ADAM23: variants seen among roughly 807,000 people sequenced by gnomAD.
ADAM23 encodes ADAM metallopeptidase domain 23.
A neutral mutation model predicts 120.1 loss-of-function variants in ADAM23; 33 were observed. That is an observed-to-expected ratio of 0.27 (90% CI 0.21 to 0.37). The LOEUF (loss-of-function observed/expected upper bound fraction) is 0.37. Among genes scored for constraint, ADAM23 ranks in the 10% least tolerant of loss-of-function variants. The pLI is 1.00. For synonymous variants in ADAM23, 367 were observed against 375.2 expected (o/e 0.98, Z 0.25); for missense variants, 862 against 1,058.2 (o/e 0.81, Z 2.57).
chr2:206,510,480 A>ATT lies in ADAM23; in HGVS notation c.510-20403_510-20402dup, dbSNP rs1353901595. ...TTTTTACATTGCCAAGATTTATTAA[A>ATT]TTTGTGTTTTGTTTAGTAACCACAA... On this transcript the variant is annotated intron_variant, in intron 3 of 25. Transcript: ENST00000264377. 3.2e-3 allele frequency among the ~76,000 whole-genome samples: 488 copies of ATT among 152,326 alleles called. 5 individuals are homozygous for ATT. The highest frequency in any genetic ancestry group is 0.011 in the African/African-American group (465 of 41,578).
intron 8 of ADAM23, 58 bp downstream of exon 8, chr2:206,548,412 A>T: frequency 6.7e-7 from 1 of 1,493,368 alleles, no homozygotes; most frequent in African/African-American, 1.4e-5. Flanking sequence ...TCATGTGCCT[A>T]TCACCCCACA....
intron 2 of ADAM23, among the ~76,000 whole-genome samples, chr2:206,477,923 A>ATATATATATATAT (rs1261680065): frequency 1.5e-4 from 14 of 90,694 alleles, no homozygotes; most frequent in Non-Finnish European, 2.7e-4. Context: ...TATATATATA[A>ATATATATATATAT]AACAACAATG....
chr2:206,571,975 G>C (rs1436939015), intron 17 of ADAM23, among the ~76,000 whole-genome samples, 159 bp downstream of exon 17: 2 of 152,036 alleles, frequency 1.3e-5, no homozygotes, highest in Non-Finnish European at 2.9e-5. Context: ...CAAATTCTGT[G>C]GGCCGCAACA....
intron 21 of ADAM23, among the ~76,000 whole-genome samples, chr2:206,591,862 A>G (rs182067292): frequency 1.3e-5 from 2 of 152,314 alleles, no homozygotes; most frequent in Admixed American, 6.5e-5. Context: ...GTGACCTGCT[A>G]TATTAGCATG....
chr2:206,542,005 A>T, intron 4 of ADAM23, 47 bp from the exon 5 acceptor site: 1 of 1,585,700 alleles, frequency 6.3e-7, no homozygotes, highest in Non-Finnish European at 8.7e-7. Flanking sequence ...CCAAAGAATT[A>T]ATCATAATGC....
intron 4 of ADAM23, among the ~76,000 whole-genome samples, chr2:206,533,539 C>A (rs1242292889): frequency 6.6e-6 from 1 of 152,162 alleles, no homozygotes; most frequent in Non-Finnish European, 1.5e-5. Context: ...AGTACATGCA[C>A]ACATTGTACA....
chr2:206,526,124 T>G (rs1454407550), intron 3 of ADAM23, among the ~76,000 whole-genome samples: 2 of 148,004 alleles, frequency 1.4e-5, no homozygotes, highest in Non-Finnish European at 3.0e-5. Context: ...AATCTCATAT[T>G]CAAGGATTCC....
rs1697426518 is a variant in ADAM23 at position 206,547,618 on chromosome 2, C to T, written c.793+117C>T. On this transcript the variant is annotated intron_variant, in intron 7 of 25. Coordinates refer to ENST00000264377, the MANE Select transcript of ADAM23 (RefSeq NM_003812.4). Reference sequence around the variant, plus strand: ...GAATTGGTCTGATATCAGGGGTGAACATCGTGGATCAGCACTGGAATGAGT... The same window carrying T: ...GAATTGGTCTGATATCAGGGGTGAATATCGTGGATCAGCACTGGAATGAGT... 1.5e-5 allele frequency: 12 copies of T among 789,598 alleles called. 1 individual carries two copies. The South Asian group carries it at 2.3e-4, about 15-fold the overall frequency. The allele number at this position is 789,598 out of a possible 1,614,324, so 48.9% of individuals were successfully genotyped here.
At chr2:206,549,677 A>C (rs1275447513) in intron 8 of ADAM23, among the ~76,000 whole-genome samples, 1 of 152,034 alleles carries the variant, frequency 6.6e-6, no homozygotes, top group East Asian at 1.9e-4. Flanking sequence ...AACTTATGCT[A>C]TTCTTATTAA....
At chr2:206,461,123 A>C (rs1322513107) in intron 2 of ADAM23, among the ~76,000 whole-genome samples, 5 of 134,714 alleles carry the variant, frequency 3.7e-5, no homozygotes, top group Non-Finnish European at 7.6e-5. Flanking sequence ...AGTGCAGTGG[A>C]GTGATCTTGG....
chr2:206,542,169 A>T, intron 5 of ADAM23, 35 bp downstream of exon 5: 1 of 1,592,910 alleles, frequency 6.3e-7, no homozygotes, highest in Non-Finnish European at 8.6e-7. Flanking sequence ...TTATTCATTG[A>T]CCCTTTCCAG....
At chr2:206,474,918 T>A (rs1285663959) in intron 2 of ADAM23, among the ~76,000 whole-genome samples, 3 of 152,160 alleles carry the variant, frequency 2.0e-5, no homozygotes, top group Non-Finnish European at 2.9e-5. Flanking sequence ...ACACATCATG[T>A]TGTTAAGCTA....
At chr2:206,492,827 C>G (rs767574261) in intron 3 of ADAM23, among the ~76,000 whole-genome samples, 2 of 152,046 alleles carry the variant, frequency 1.3e-5, no homozygotes, top group South Asian at 4.2e-4. Flanking sequence ...TTGGAGGGAC[C>G]TATACATTCA....
intron 25 of ADAM23, among the ~76,000 whole-genome samples, chr2:206,612,078 G>C (rs980322316): frequency 1.3e-5 from 2 of 152,200 alleles, no homozygotes; most frequent in African/African-American, 2.4e-5. Flanking sequence ...CAAAGAAAAC[G>C]ATGAAGACTA....
chr2:206,576,462 GTTAAA>G (rs1164156241), intron 18 of ADAM23, among the ~76,000 whole-genome samples: 3 of 151,882 alleles, frequency 2.0e-5, no homozygotes, highest in Admixed American at 6.6e-5. Flanking sequence ...AAATTATACT[GTTAAA>G]TTAATTTCTC....
At chr2:206,503,662 G>A (rs1443690733) in intron 3 of ADAM23, among the ~76,000 whole-genome samples, 3 of 152,074 alleles carry the variant, frequency 2.0e-5, no homozygotes, top group African/African-American at 7.2e-5. Flanking sequence ...GGCATTTAAC[G>A]GGTGTTTCAT....
intron 20 of ADAM23, among the ~76,000 whole-genome samples, 192 bp from the exon 21 acceptor site, chr2:206,589,217 C>G (rs916309336): frequency 6.6e-6 from 1 of 152,076 alleles, no homozygotes; most frequent in Non-Finnish European, 1.5e-5. Context: ...TTTTGGAAGC[C>G]CATGGATATC....
intron 24 of ADAM23, chr2:206,605,938 T>C: frequency 6.6e-6 from 4 of 607,208 alleles, no homozygotes; most frequent in South Asian, 3.9e-5. Flanking sequence ...TGTGAGGCGA[T>C]GCCTGTACCT....
At chr2:206,479,963 G>A (rs1695861464) in intron 2 of ADAM23, among the ~76,000 whole-genome samples, 1 of 152,170 alleles carries the variant, frequency 6.6e-6, no homozygotes, top group South Asian at 2.1e-4. Flanking sequence ...GGTTTGGTAT[G>A]GCAAAAAGAT....
Sources: allele counts gnomAD v4.1 joint callset (sites outside exome capture counted in the v4.1 genomes callset), GRCh38; gene constraint gnomAD v4.1.1; transcripts MANE v1.5; gene names NCBI Gene and HGNC (gene_info 2026-07-23, HGNC 2026-07-21).